Variants in ERG observed in about 807,000 individuals in gnomAD.
ERG encodes transcriptional regulator ERG.
ERG carries 9 observed loss-of-function variants against 55.3 expected under a neutral mutation model. The ratio of observed to expected loss-of-function variants is 0.16; its 90% confidence interval spans 0.10 to 0.28. The LOEUF (loss-of-function observed/expected upper bound fraction) is 0.28. ERG is among the 10% of genes least tolerant of loss of function. The pLI, the probability that ERG is intolerant of heterozygous loss-of-function variation, is 1.00. For missense variants in ERG, 434 were observed against 631.6 expected, an observed-to-expected ratio of 0.69 and a Z score of 3.35; for synonymous variants, 223 against 237.3, an observed-to-expected ratio of 0.94 and a Z score of 0.55.
intron 2 of ERG, among the ~76,000 whole-genome samples, chr21:38,563,069 T>C (rs2037681534): frequency 6.6e-6 from 1 of 152,106 alleles, no homozygotes; most frequent in South Asian, 2.1e-4. Context: ...AGTCTGGAAA[T>C]GGCAAAACTA....
At chr21:38,660,252 C>T (rs1247359439) in intron 1 of ERG, among the ~76,000 whole-genome samples, 1 of 152,232 alleles carries the variant, frequency 6.6e-6, no homozygotes, top group African/African-American at 2.4e-5. Flanking sequence ...GGTCGGGGCC[C>T]CAGATGAAGT....
At chr21:38,575,873 C>T (rs1359400631) in intron 1 of ERG, 8 of 717,930 alleles carry the variant, frequency 1.1e-5, no homozygotes, top group Non-Finnish European at 1.6e-5. Context: ...AACATGTTTG[C>T]CTAAAGGCAT....
At chr21:38,391,569 T>C (rs1009089487) in intron 8 of ERG, 90 bp downstream of exon 8, 27 of 1,090,880 alleles carry the variant, frequency 2.5e-5, no homozygotes, top group Non-Finnish European at 3.7e-5. Flanking sequence ...ACAATCATGT[T>C]AATTTCCATT....
Position 38,417,897 on chromosome 21 carries a change from T to C in ERG, c.388+5513A>G, listed in dbSNP as rs1989352674. On this transcript the variant is annotated intron_variant, in intron 3 of 9. Coordinates refer to ENST00000288319, the MANE Select transcript of ERG (RefSeq NM_182918.4). ...AGGTCCTATTGCATTTTGGTCAGCA[T>C]TTTGCAACTTTTAAGAAGTGAATGG... Among the ~76,000 whole-genome samples, 3 of 152,194 alleles carry C rather than the reference T, an allele frequency of 2.0e-5. No homozygotes were observed. In the South Asian group the frequency reaches 6.2e-4, roughly 32 times the overall value.
intron 2 of ERG, among the ~76,000 whole-genome samples, chr21:38,551,033 T>G (rs1437572474): frequency 6.6e-6 from 1 of 152,224 alleles, no homozygotes; most frequent in African/African-American, 2.4e-5. Context: ...AATCATTTAT[T>G]GAGGAAAAAT....
chr21:38,379,142 G>A (rs148051035), downstream of ERG, among the ~76,000 whole-genome samples: 11 of 152,170 alleles, frequency 7.2e-5, no homozygotes, highest in Admixed American at 1.3e-4. Context: ...GATCTAACCC[G>A]TCACCTCAGC....
chr21:38,584,568 T>C (rs1256301615), intron 1 of ERG, among the ~76,000 whole-genome samples: 3 of 152,150 alleles, frequency 2.0e-5, no homozygotes, highest in Non-Finnish European at 2.9e-5. Flanking sequence ...CTGTGAAGAC[T>C]ATAGAACTGA....
At chr21:38,527,828 A>C (rs899952208) in intron 2 of ERG, among the ~76,000 whole-genome samples, 1 of 138,796 alleles carries the variant, frequency 7.2e-6, no homozygotes, top group Non-Finnish European at 1.5e-5. Context: ...GCTGTCTTCA[A>C]AACAGCAATG....
chr21:38,550,406 C>A (rs912434016), intron 2 of ERG, among the ~76,000 whole-genome samples: 2 of 151,048 alleles, frequency 1.3e-5, no homozygotes, highest in South Asian at 2.1e-4. Flanking sequence ...AAATCCTTAC[C>A]CCCAAGGTAG....
intron 1 of ERG, among the ~76,000 whole-genome samples, chr21:38,610,074 C>CA (rs2060217189): frequency 6.6e-6 from 1 of 152,158 alleles, no homozygotes; most frequent in South Asian, 2.1e-4. Flanking sequence ...TGAGAGGCCA[C>CA]AAGGGAAGGA....
At chr21:38,432,595 T>A (rs1782954626) in intron 2 of ERG, among the ~76,000 whole-genome samples, 1 of 152,208 alleles carries the variant, frequency 6.6e-6, no homozygotes, top group African/African-American at 2.4e-5. Context: ...AATAAACATA[T>A]GGATAAAGCA....
At chr21:38,470,287 T>A (rs1371171923) in intron 1 of ERG, among the ~76,000 whole-genome samples, 1 of 152,074 alleles carries the variant, frequency 6.6e-6, no homozygotes, top group Non-Finnish European at 1.5e-5. Context: ...ATTATTGTTA[T>A]AATTATCTGG....
intron 1 of ERG, among the ~76,000 whole-genome samples, chr21:38,639,887 A>G (rs993059464): frequency 6.6e-6 from 1 of 152,170 alleles, no homozygotes; most frequent in Non-Finnish European, 1.5e-5. Flanking sequence ...CCAGCATGAA[A>G]ACCAACAGAA....
At chr21:38,445,792 C>G (rs1472856059) in intron 1 of ERG, among the ~76,000 whole-genome samples, 171 bp from the exon 2 acceptor site, 1 of 151,924 alleles carries the variant, frequency 6.6e-6, no homozygotes, top group Non-Finnish European at 1.5e-5. Flanking sequence ...TTCCTCGGGA[C>G]AGTAAGAGTT....
At chr21:38,531,435 C>G (rs3787914) in intron 2 of ERG, among the ~76,000 whole-genome samples, 124,988 of 152,094 alleles carry the variant, frequency 0.82, 51,402 homozygotes, top group Middle Eastern at 0.9. Flanking sequence ...AGCCCTCCTT[C>G]ACACTTTGAA....
chr21:38,634,391 C>T (rs933172562), intron 1 of ERG, among the ~76,000 whole-genome samples: 1 of 152,088 alleles, frequency 6.6e-6, no homozygotes, highest in Non-Finnish European at 1.5e-5. Context: ...CTGTGCATAA[C>T]GGGAATGGCT....
intron 3 of ERG, among the ~76,000 whole-genome samples, chr21:38,404,315 G>C (rs1988656274): frequency 6.6e-6 from 1 of 152,106 alleles, no homozygotes; most frequent in Non-Finnish European, 1.5e-5. Context: ...TTTCCTGCAG[G>C]GTGTTTGGTT....
At position 38,528,602 on chromosome 21, in the gene ERG, T is replaced by C. The variant is rs1400879642; in HGVS notation, c.-41+47060A>G. ...AGCTGGGACTACAGGCACCCGCCAC[T>C]ACGCCCGGCTAATTTTTTTGTATTT... On this transcript the variant is annotated intron_variant, in intron 2 of 8. Transcript: ENST00000398897. Among the ~76,000 whole-genome samples, 8 of 93,768 alleles carry C rather than the reference T, an allele frequency of 8.5e-5. No homozygotes were observed. The South Asian group carries it at 1.0e-3, about 12-fold the overall frequency. 61.5% of individuals were successfully genotyped at this position (93,768 alleles called of 152,430 possible). A position where few individuals can be genotyped will look rare whatever the true frequency, so the allele number is the denominator to read the frequency against.
chr21:38,556,329 T>C lies in ERG; in HGVS notation c.-41+19333A>G, dbSNP rs115371433. Among the ~76,000 whole-genome samples the C allele has an allele frequency of 7.8e-3, 1,181 of 152,308 alleles. 18 individuals carry two copies. Among genetic ancestry groups the C allele is most frequent in the African/African-American group, 0.027 (1,108 of 41,566 alleles). On this transcript the variant is annotated intron_variant, in intron 2 of 8. Coordinates refer to the ERG transcript ENST00000398897. ...TTGGTGAGATTACATATAATTATTA[T>C]ATATAATCTTTACTTTTTTAGATTG...
Sources: allele counts gnomAD v4.1 joint callset (sites outside exome capture counted in the v4.1 genomes callset), GRCh38; gene constraint gnomAD v4.1.1; transcripts MANE v1.5; gene names NCBI Gene and HGNC (gene_info 2026-07-23, HGNC 2026-07-21).